MAGI1: variants seen among roughly 807,000 people sequenced by gnomAD.
MAGI1 encodes membrane associated guanylate kinase, WW and PDZ domain containing 1.
In MAGI1, 58 loss-of-function variants were observed where a neutral mutation model predicts 139.9. The observed-to-expected ratio is 0.41, with a 90% CI of 0.34 to 0.52. The LOEUF is 0.52. Among genes scored for constraint, MAGI1 ranks in the 20% least tolerant of loss-of-function variants. MAGI1 has a pLI of 0.12. For synonymous variants in MAGI1, 812 were observed against 737.9 expected (o/e 1.10, Z -1.63); for missense variants, 1,874 against 1,901.6 (o/e 0.99, Z 0.27).
rs537394723 is a variant in MAGI1, at chr3:65,852,162, ATAT to A, written c.313+185831_313+185833del. ...GCAAGTTCATGCATCATCACTACCT[ATAT>A]CTGTCCTCCTTGGTGGCCCTATCAT... On this transcript the variant is annotated intron_variant, in intron 1 of 22. Coordinates refer to ENST00000402939, the MANE Select transcript of MAGI1 (RefSeq NM_001033057.2). 3.6e-3 allele frequency among the ~76,000 whole-genome samples: 548 copies of A among 152,310 alleles called. 2 individuals carry two copies. Among genetic ancestry groups the A allele is most frequent in the Non-Finnish European group, 6.3e-3 (431 of 68,030 alleles).
chr3:65,872,087 A>C (rs984985269), intron 1 of MAGI1, among the ~76,000 whole-genome samples: 1 of 152,218 alleles, frequency 6.6e-6, no homozygotes, highest in African/African-American at 2.4e-5. Context: ...AACTGGGAAA[A>C]CTGGGAAAAT....
chr3:65,636,534 A>G (rs1333337794), intron 1 of MAGI1, among the ~76,000 whole-genome samples: 1 of 152,202 alleles, frequency 6.6e-6, no homozygotes, highest in African/African-American at 2.4e-5. Context: ...AAGGTGATTT[A>G]TGTAAGACAA....
chr3:65,549,355 C>T (rs935976724), intron 2 of MAGI1: 3 of 874,866 alleles, frequency 3.4e-6, no homozygotes, highest in Non-Finnish European at 4.1e-6. Context: ...TCCTAACCCC[C>T]TCCCCTCCCC....
At position 65,504,517 on chromosome 3, in the gene MAGI1, C is replaced by G. The variant is rs187387020; in HGVS notation, c.431-10886G>C. 2.1e-4 allele frequency among the ~76,000 whole-genome samples: 32 copies of G among 152,196 alleles called. No individual in the cohort carries two copies. The East Asian group carries it at 3.9e-3, about 18-fold the overall frequency. On this transcript the variant is annotated intron_variant, in intron 2 of 22. Coordinates refer to ENST00000402939, the MANE Select transcript of MAGI1 (RefSeq NM_001033057.2). ...AGGACTTGAAACCAGGTTTTTGTTA[C>G]TAGGTGGGAACTTCTGTACACAAAG...
intron 1 of MAGI1, among the ~76,000 whole-genome samples, chr3:65,866,796 GAACA>G (rs2059744734): frequency 1.3e-5 from 2 of 151,274 alleles, no homozygotes; most frequent in Non-Finnish European, 2.9e-5. Flanking sequence ...TAGGAAAAAA[GAACA>G]AACAAACAAA....
intron 2 of MAGI1, among the ~76,000 whole-genome samples, chr3:65,495,300 G>A (rs1952344265): frequency 6.6e-6 from 1 of 152,148 alleles, no homozygotes; most frequent in Admixed American, 6.5e-5. Context: ...TGTGTGTATT[G>A]AATGAGATAA....
intron 1 of MAGI1, among the ~76,000 whole-genome samples, chr3:65,984,057 G>C (rs1330545251): frequency 6.6e-6 from 1 of 152,192 alleles, no homozygotes; most frequent in Non-Finnish European, 1.5e-5. Flanking sequence ...ACTTTGGGAG[G>C]CTAAGGCGGG....
chr3:65,985,046 G>C (rs1576361225), intron 1 of MAGI1, among the ~76,000 whole-genome samples: 1 of 152,196 alleles, frequency 6.6e-6, no homozygotes, highest in South Asian at 2.1e-4. Flanking sequence ...CCCAGCTTTG[G>C]TACTGATGTC....
At chr3:65,814,624 G>A (rs1204738348) in intron 1 of MAGI1, among the ~76,000 whole-genome samples, 1 of 152,106 alleles carries the variant, frequency 6.6e-6, no homozygotes, top group Non-Finnish European at 1.5e-5. Context: ...CATTTCTTAA[G>A]CAACCGCACC....
chr3:65,495,637 A>G (rs1189801380), intron 2 of MAGI1, among the ~76,000 whole-genome samples: 1 of 152,232 alleles, frequency 6.6e-6, no homozygotes, highest in Non-Finnish European at 1.5e-5. Flanking sequence ...ATAGCATATA[A>G]TATCAGGAGG....
rs552111855 is a variant in MAGI1 at position 65,710,868 on chromosome 3, T to C, written c.314-88780A>G. ...TATATGCTTTCCCAATGCCCATTGA[T>C]ACAGACTTTCTCCCACTTTCCTACC... On this transcript the variant is annotated intron_variant, in intron 1 of 22. Transcript: ENST00000402939. Among the ~76,000 whole-genome samples, 22 of 152,352 alleles carry C rather than the reference T, an allele frequency of 1.4e-4. No homozygotes were observed. The South Asian group carries it at 3.7e-3, about 26-fold the overall frequency.
intron 1 of MAGI1, among the ~76,000 whole-genome samples, chr3:65,696,677 C>CAATAA (rs926875704): frequency 1.5e-4 from 22 of 151,614 alleles, no homozygotes; most frequent in Non-Finnish European, 2.9e-4. Context: ...TGTGGCAATA[C>CAATAA]AATAAAATAA....
intron 1 of MAGI1, among the ~76,000 whole-genome samples, chr3:65,909,016 G>T (rs2061551219): frequency 6.6e-6 from 1 of 152,156 alleles, no homozygotes. Context: ...ATTTTCTAGG[G>T]ATGGTCTTTT....
At chr3:65,869,706 G>GT (rs935232216) in intron 1 of MAGI1, among the ~76,000 whole-genome samples, 8 of 152,130 alleles carry the variant, frequency 5.3e-5, no homozygotes, top group African/African-American at 1.2e-4. Flanking sequence ...AGCCAAGACT[G>GT]TTTTTTAACT....
intron 1 of MAGI1, among the ~76,000 whole-genome samples, chr3:65,763,652 G>T (rs1405727216): frequency 6.6e-6 from 1 of 151,432 alleles, no homozygotes; most frequent in Non-Finnish European, 1.5e-5. Flanking sequence ...GTCTGAATGG[G>T]ATATCTGTGC....
At chr3:65,691,669 A>C (rs2088664809) in intron 1 of MAGI1, among the ~76,000 whole-genome samples, 1 of 152,114 alleles carries the variant, frequency 6.6e-6, no homozygotes, top group Admixed American at 6.6e-5. Flanking sequence ...AAATGAAAAA[A>C]CCTTGAATTT....
At chr3:65,412,148 T>C (rs1945845708) in intron 12 of MAGI1, among the ~76,000 whole-genome samples, 1 of 152,176 alleles carries the variant, frequency 6.6e-6, no homozygotes, top group Non-Finnish European at 1.5e-5. Flanking sequence ...CCTATCTCTT[T>C]ACTTCCTCCT....
chr3:65,715,387 G>A (rs1576854425), intron 1 of MAGI1, among the ~76,000 whole-genome samples: 2 of 152,182 alleles, frequency 1.3e-5, no homozygotes, highest in East Asian at 1.9e-4. Flanking sequence ...TAATACAGGT[G>A]TAAGTTCAAT....
chr3:65,898,778 T>C (rs1261008559), intron 1 of MAGI1, among the ~76,000 whole-genome samples: 1 of 152,132 alleles, frequency 6.6e-6, no homozygotes. Context: ...AAATGATAAA[T>C]GTTTGAGAAG....
Sources: gnomAD v4.1 joint callset for allele counts (sites outside exome capture counted in the v4.1 genomes callset) on GRCh38, gnomAD v4.1.1 for gene constraint, MANE v1.5 for transcripts, NCBI Gene and HGNC (gene_info 2026-07-23, HGNC 2026-07-21) for gene names.